Variants in JAK1 observed in about 807,000 individuals in gnomAD.
JAK1 encodes the protein Janus kinase 1, also known as tyrosine-protein kinase JAK1.
JAK1 carries 16 observed loss-of-function variants against 136.6 expected under a neutral mutation model. The ratio of observed to expected loss-of-function variants is 0.12; its 90% CI spans 0.08 to 0.18. The LOEUF is 0.18. Among genes scored for constraint, JAK1 ranks in the 10% least tolerant of loss-of-function variants. The pLI is 1.00. For missense variants in JAK1, 859 were observed against 1,450.1 expected, an observed-to-expected ratio of 0.59 and a Z score of 6.62; for synonymous variants, 492 against 519.5, an observed-to-expected ratio of 0.95 and a Z score of 0.72.
chr1:64,891,586 C>A (rs533415623), intron 1 of JAK1, among the ~76,000 whole-genome samples: 1 of 152,194 alleles, frequency 6.6e-6, no homozygotes, highest in East Asian at 1.9e-4. Flanking sequence ...GCCTAACCTA[C>A]ACAACAAGCC....
chr1:65,031,155 C>CAAAAAAAAAA (rs375856684), intron 2 of JAK1, among the ~76,000 whole-genome samples: 1 of 68,282 alleles, frequency 1.5e-5, no homozygotes, highest in Non-Finnish European at 3.0e-5. Context: ...GACCCTATCT[C>CAAAAAAAAAA]AAAAAAAAAA....
chr1:64,884,060 A>G (rs755539360), intron 2 of JAK1, among the ~76,000 whole-genome samples: 9 of 152,142 alleles, frequency 5.9e-5, no homozygotes, highest in Non-Finnish European at 1.2e-4. Flanking sequence ...AGTCACATGG[A>G]AGGGCCATAA....
At chr1:64,929,902 G>A (rs1645657906) in intron 1 of JAK1, among the ~76,000 whole-genome samples, 1 of 152,142 alleles carries the variant, frequency 6.6e-6, no homozygotes, top group Non-Finnish European at 1.5e-5. Context: ...TCTGATCTTT[G>A]ACGAATCTGA....
chr1:64,899,423 A>C (rs905062555), intron 1 of JAK1, among the ~76,000 whole-genome samples: 1 of 152,226 alleles, frequency 6.6e-6, no homozygotes, highest in Non-Finnish European at 1.5e-5. Flanking sequence ...AACTCTAAAA[A>C]TCATTTAGAC....
intron 2 of JAK1, chr1:64,991,402 C>T (rs1024727337): frequency 2.6e-5 from 4 of 152,256 alleles, no homozygotes; most frequent in Non-Finnish European, 5.9e-5. Context: ...TACCTCTTCA[C>T]ATGGTCGTAC....
chr1:64,862,844 T>C (rs1656435030), intron 8 of JAK1, among the ~76,000 whole-genome samples: 1 of 152,208 alleles, frequency 6.6e-6, no homozygotes, highest in Non-Finnish European at 1.5e-5. Context: ...GCCTGCCACT[T>C]TCTCACTGAG....
At chr1:64,848,318 T>C (rs1411761327) in intron 12 of JAK1, among the ~76,000 whole-genome samples, 3 of 152,182 alleles carry the variant, frequency 2.0e-5, no homozygotes, top group Non-Finnish European at 4.4e-5. Context: ...CTGGCACAGG[T>C]AGGCACAGTT....
intron 1 of JAK1, among the ~76,000 whole-genome samples, chr1:65,044,591 T>G (rs1431069114): frequency 1.3e-5 from 2 of 152,138 alleles, no homozygotes; most frequent in African/African-American, 4.8e-5. Flanking sequence ...ACCTGTGTGG[T>G]GGAAAGTCAG....
At chr1:64,940,468 C>T (rs947216268) in intron 1 of JAK1, among the ~76,000 whole-genome samples, 2 of 152,010 alleles carry the variant, frequency 1.3e-5, no homozygotes, top group African/African-American at 4.8e-5. Context: ...AGGTGTGTGC[C>T]ACCACACCTG....
At chr1:65,035,027 G>A (rs921783851) in intron 2 of JAK1, among the ~76,000 whole-genome samples, 7 of 151,956 alleles carry the variant, frequency 4.6e-5, no homozygotes, top group Admixed American at 2.0e-4. Flanking sequence ...TTGCACTCCA[G>A]CTTGGGCAAC....
rs532678688 is a variant in JAK1, at chr1:64,965,436, A to G, written c.-78+897T>C. 1.3e-4 allele frequency among the ~76,000 whole-genome samples: 20 copies of G among 152,242 alleles called. No homozygotes were observed. In the South Asian group the frequency reaches 4.1e-3, roughly 32 times the overall value. On this transcript the variant is annotated intron_variant, in intron 1 of 24. Coordinates refer to ENST00000342505, the MANE Select transcript of JAK1 (RefSeq NM_002227.4). ...CCCTCCAAAAAACGTGTGCACAAAC[A>G]CCTGGCAAACATCGCATCTTTTATC...
chr1:65,053,240 G>A (rs998610007), intron 1 of JAK1, among the ~76,000 whole-genome samples: 4 of 149,622 alleles, frequency 2.7e-5, no homozygotes, highest in East Asian at 2.0e-4. Context: ...CCAGCTACTC[G>A]GGAGGCTGAG....
At chr1:64,977,559 T>C (rs1646507467) in intron 2 of JAK1, among the ~76,000 whole-genome samples, 1 of 151,656 alleles carries the variant, frequency 6.6e-6, no homozygotes, top group Admixed American at 6.6e-5. Flanking sequence ...GCCTCCCGAC[T>C]AGGTGGGACT....
intron 7 of JAK1, among the ~76,000 whole-genome samples, chr1:64,865,961 T>C (rs1036021659): frequency 6.6e-6 from 1 of 152,162 alleles, no homozygotes; most frequent in Non-Finnish European, 1.5e-5. Flanking sequence ...GGTTTCACCA[T>C]GTTGCCCAGG....
intron 1 of JAK1, among the ~76,000 whole-genome samples, chr1:64,945,446 G>C (rs1023674873): frequency 7.2e-5 from 11 of 152,060 alleles, no homozygotes; most frequent in Non-Finnish European, 1.3e-4. Flanking sequence ...TCCCTTACAT[G>C]GGGACTGGTT....
chr1:64,934,347 C>G (rs1645750183), intron 1 of JAK1, among the ~76,000 whole-genome samples: 1 of 152,272 alleles, frequency 6.6e-6, no homozygotes, highest in South Asian at 2.1e-4. Flanking sequence ...TGTCACAGCT[C>G]TGAGAAGGGG....
At chr1:64,995,416 T>C (rs980349443) in intron 2 of JAK1, among the ~76,000 whole-genome samples, 2 of 152,178 alleles carry the variant, frequency 1.3e-5, no homozygotes, top group East Asian at 3.9e-4. Flanking sequence ...ACTAATAGCA[T>C]TGAATTAGGA....
Position 64,908,755 on chromosome 1 carries a change from CA to C in JAK1, c.-77-22415del, listed in dbSNP as rs1396514634. Among the ~76,000 whole-genome samples the C allele has an allele frequency of 4.6e-3, 700 of 152,128 alleles. 4 individuals carry two copies. The highest frequency in any genetic ancestry group is 0.016 in the African/African-American group (645 of 41,516). On this transcript the variant is annotated intron_variant, in intron 1 of 24. Transcript: ENST00000342505. ...TGGCAAACATACACACACACACACA[CA>C]CCCCTTGTTAAAATAAAGATTCAGT... is the stretch of plus-strand genomic sequence containing the variant.
intron 22 of JAK1, 61 bp from the exon 23 acceptor site, chr1:64,836,276 C>T: frequency 2.2e-6 from 2 of 921,838 alleles, no homozygotes; most frequent in Non-Finnish European, 3.6e-6. Context: ...TCCGACATTA[C>T]AGGATAACTG....
Sources: gnomAD v4.1 joint callset for allele counts (sites outside exome capture counted in the v4.1 genomes callset) on GRCh38, gnomAD v4.1.1 for gene constraint, MANE v1.5 for transcripts, NCBI Gene and HGNC (gene_info 2026-07-23, HGNC 2026-07-21) for gene names.